CNGB3: variants seen among roughly 807,000 people sequenced by gnomAD.
CNGB3 encodes cyclic nucleotide gated channel subunit beta 3.
A neutral mutation model predicts 92.8 loss-of-function variants in CNGB3; 86 were observed. The observed-to-expected ratio is 0.93, with a 90% CI of 0.78 to 1.11. The LOEUF is 1.11. Ranked by LOEUF, CNGB3 falls within the 50% of genes least tolerant of loss-of-function variation. The probability of loss-of-function intolerance (pLI) is 0.00; values close to 1 mark genes in which losing one functional copy is unlikely to be tolerated. For missense variants in CNGB3, 1,026 were observed against 956.8 expected, an observed-to-expected ratio of 1.07 and a Z score of -0.95; for synonymous variants, 333 against 332.7, an observed-to-expected ratio of 1.00 and a Z score of -0.01.
At chr8:86,674,254 C>A (rs1001184284) in intron 3 of CNGB3, among the ~76,000 whole-genome samples, 4 of 152,188 alleles carry the variant, frequency 2.6e-5, no homozygotes, top group African/African-American at 9.6e-5. Context: ...CCCTAATTGA[C>A]CATATAATTG....
At chr8:86,634,687 G>A (rs13278624) in intron 10 of CNGB3, among the ~76,000 whole-genome samples, 12,082 of 151,406 alleles carry the variant, frequency 0.08, 533 homozygotes, top group African/African-American at 0.11. Flanking sequence ...CAGAAAAGGA[G>A]TACTTTTTAC....
At chr8:86,608,972 A>G (rs964768323) in intron 14 of CNGB3, among the ~76,000 whole-genome samples, 1 of 152,040 alleles carries the variant, frequency 6.6e-6, no homozygotes, top group Non-Finnish European at 1.5e-5. Context: ...TTGTGTCTTT[A>G]TTTCTACACT....
At chr8:86,637,065 C>A (rs1486305088) in intron 10 of CNGB3, among the ~76,000 whole-genome samples, 1 of 152,172 alleles carries the variant, frequency 6.6e-6, no homozygotes, top group Non-Finnish European at 1.5e-5. Context: ...TGCAATGCTG[C>A]AATGAACATG....
At chr8:86,674,926 C>A (rs1162596891) in intron 3 of CNGB3, among the ~76,000 whole-genome samples, 2 of 143,630 alleles carry the variant, frequency 1.4e-5, no homozygotes, top group African/African-American at 2.6e-5. Context: ...TCTAATATTT[C>A]TTTCTTTCTC....
At chr8:86,594,134 G>C (rs921976232) in intron 15 of CNGB3, 1 of 296,084 alleles carries the variant, frequency 3.4e-6, no homozygotes, top group Non-Finnish European at 6.7e-6. Flanking sequence ...AACCACGGAG[G>C]TCTGGGGACA....
chr8:86,631,019 T>A (rs1822951265), intron 11 of CNGB3, among the ~76,000 whole-genome samples: 1 of 152,208 alleles, frequency 6.6e-6, no homozygotes, highest in African/African-American at 2.4e-5. Context: ...ACTATGAGAG[T>A]TTGAGGCACA....
chr8:86,660,131 T>C, intron 6 of CNGB3: 1 of 308,708 alleles, frequency 3.2e-6, no homozygotes. Flanking sequence ...TATCCTCAGG[T>C]GAATGGCAAC....
chr8:86,646,530 T>C (rs1349749790), intron 8 of CNGB3, among the ~76,000 whole-genome samples: 1 of 151,098 alleles, frequency 6.6e-6, no homozygotes, highest in African/African-American at 2.4e-5. Context: ...AAAATGAAGT[T>C]GTTGGGAGGA....
intron 6 of CNGB3, among the ~76,000 whole-genome samples, chr8:86,664,724 T>A (rs1823708842): frequency 6.6e-6 from 1 of 152,198 alleles, no homozygotes; most frequent in African/African-American, 2.4e-5. Context: ...TAGGATGTGA[T>A]GAATTTGGCA....
At chr8:86,632,467 G>A (rs1822981712) in intron 11 of CNGB3, among the ~76,000 whole-genome samples, 1 of 152,018 alleles carries the variant, frequency 6.6e-6, no homozygotes, top group Non-Finnish European at 1.5e-5. Flanking sequence ...AGATTTTAAT[G>A]GTTTTCATTA....
At chr8:86,637,000 C>T (rs947689409) in intron 10 of CNGB3, among the ~76,000 whole-genome samples, 3 of 152,126 alleles carry the variant, frequency 2.0e-5, no homozygotes, top group Admixed American at 2.0e-4. Flanking sequence ...TTTATCCTTT[C>T]ATTAGTTGAG....
chr8:86,639,614 G>A (rs528792898), intron 10 of CNGB3, among the ~76,000 whole-genome samples: 14 of 151,988 alleles, frequency 9.2e-5, no homozygotes, highest in Non-Finnish European at 1.9e-4. Flanking sequence ...CAAGGGTTAA[G>A]TTAAAAAATA....
intron 15 of CNGB3, among the ~76,000 whole-genome samples, chr8:86,583,972 A>G (rs1035845569): frequency 3.3e-5 from 5 of 151,080 alleles, no homozygotes; most frequent in African/African-American, 1.2e-4. Context: ...GGCAGAAAGT[A>G]TATATTTGGA....
intron 3 of CNGB3, among the ~76,000 whole-genome samples, chr8:86,689,183 T>C (rs1824249281): frequency 6.6e-6 from 1 of 151,800 alleles, no homozygotes. Context: ...TAAGGACTTG[T>C]TTTGTGGCCT....
rs184546445 is a variant in CNGB3 at position 86,648,755 on chromosome 8, A to G, written c.904-868T>C. Among the ~76,000 whole-genome samples the G allele has an allele frequency of 1.3e-3, 194 of 151,254 alleles. 1 individual carries two copies. The highest frequency in any genetic ancestry group is 4.2e-3 in the African/African-American group (173 of 41,464). ...GACAATTAAGAGCAGTTAAGAACAT[A>G]TTGTAAGGCCACACATATAAAATAG... On this transcript the variant is annotated intron_variant, in intron 7 of 17. Coordinates refer to ENST00000320005, the MANE Select transcript of CNGB3 (RefSeq NM_019098.5).
intron 3 of CNGB3, among the ~76,000 whole-genome samples, chr8:86,676,095 A>G (rs1823961665): frequency 6.6e-6 from 1 of 152,182 alleles, no homozygotes; most frequent in Non-Finnish European, 1.5e-5. Context: ...GAGAACATTT[A>G]TAAGACGTGG....
At chr8:86,661,681 T>A in intron 6 of CNGB3, 1 of 1,051,338 alleles carries the variant, frequency 9.5e-7, no homozygotes, top group South Asian at 1.3e-5. Context: ...CTTCTTCCTC[T>A]TCTTCTGAAG....
At chr8:86,694,078 TGACCCCCC>T (rs1824380301) in intron 3 of CNGB3, among the ~76,000 whole-genome samples, 1 of 93,178 alleles carries the variant, frequency 1.1e-5, no homozygotes, top group African/African-American at 4.0e-5. Flanking sequence ...GCGGGGGGGC[TGACCCCCC>T]CACCTCCCTC....
chr8:86,698,401 T>A (rs1224349608), intron 3 of CNGB3, among the ~76,000 whole-genome samples: 19 of 152,218 alleles, frequency 1.2e-4, no homozygotes, highest in Non-Finnish European at 2.9e-5. Context: ...AAAAAGCACA[T>A]TTCAACCTTG....
Sources: gnomAD v4.1 joint callset for allele counts (sites outside exome capture counted in the v4.1 genomes callset) on GRCh38, gnomAD v4.1.1 for gene constraint, MANE v1.5 for transcripts, NCBI Gene and HGNC (gene_info 2026-07-23, HGNC 2026-07-21) for gene names.